Variants in DLGAP2 observed in about 807,000 individuals in gnomAD.
The protein encoded by DLGAP2 is disks large-associated protein 2.
A neutral mutation model predicts 100.3 loss-of-function variants in DLGAP2; 26 were observed. That is an observed-to-expected ratio of 0.26 (90% CI 0.19 to 0.36). The LOEUF is 0.36. DLGAP2 is among the 10% of genes least tolerant of loss of function. The pLI, the probability that DLGAP2 is intolerant of heterozygous loss-of-function variation, is 1.00. For missense variants in DLGAP2, 1,858 were observed against 1,453.2 expected (o/e 1.28, Z -4.53); for synonymous variants, 886 against 630.1 (o/e 1.41, Z -6.08).
intron 2 of DLGAP2, among the ~76,000 whole-genome samples, chr8:1,219,772 C>T (rs1279146119): frequency 6.6e-6 from 1 of 151,920 alleles, no homozygotes; most frequent in African/African-American, 2.4e-5. Context: ...TAGCTTATTA[C>T]AGAATCAATT....
chr8:1,121,675 C>T (rs1003970767), intron 2 of DLGAP2, among the ~76,000 whole-genome samples: 5 of 152,004 alleles, frequency 3.3e-5, no homozygotes, highest in African/African-American at 1.2e-4. Context: ...GAACCCCTGA[C>T]CACCCAACCT....
intron 2 of DLGAP2, among the ~76,000 whole-genome samples, chr8:1,251,954 T>G (rs1374014069): frequency 1.3e-5 from 2 of 152,274 alleles, no homozygotes; most frequent in Non-Finnish European, 2.9e-5. Context: ...TGGGTCATGG[T>G]GTCACAGTCA....
At chr8:1,515,744 G>C (rs558475371) in intron 4 of DLGAP2, among the ~76,000 whole-genome samples, 25 of 114,632 alleles carry the variant, frequency 2.2e-4, no homozygotes, top group African/African-American at 7.6e-4. Context: ...TCACACACTT[G>C]TATGCACACA....
chr8:1,237,522 A>G, intron 2 of DLGAP2, among the ~76,000 whole-genome samples: 1 of 136,678 alleles, frequency 7.3e-6, no homozygotes, highest in Non-Finnish European at 1.6e-5. Context: ...TGTTTCTCAC[A>G]CAGAGCATCG....
intron 1 of DLGAP2, among the ~76,000 whole-genome samples, chr8:874,769 G>C (rs570267401): frequency 6.6e-6 from 1 of 152,184 alleles, no homozygotes; most frequent in South Asian, 2.1e-4. Context: ...TTTCCTTGTT[G>C]ATCTTTTGTC....
chr8:1,125,318 G>A (rs778454220), intron 2 of DLGAP2, among the ~76,000 whole-genome samples: 7 of 152,260 alleles, frequency 4.6e-5, no homozygotes, highest in Middle Eastern at 3.4e-3. Flanking sequence ...CTTTGGAATC[G>A]AAATTCTACT....
intron 2 of DLGAP2, among the ~76,000 whole-genome samples, chr8:1,070,649 C>T (rs952390898): frequency 1.3e-5 from 2 of 152,164 alleles, no homozygotes; most frequent in African/African-American, 4.8e-5. Flanking sequence ...GTGAGTGTGT[C>T]TGTTCAGACA....
intron 2 of DLGAP2, among the ~76,000 whole-genome samples, chr8:1,119,729 C>T (rs975714927): frequency 3.3e-5 from 5 of 152,188 alleles, no homozygotes; most frequent in Admixed American, 2.6e-4. Flanking sequence ...CTTTTTATAT[C>T]CAATGGGGAA....
intron 2 of DLGAP2, among the ~76,000 whole-genome samples, chr8:1,184,139 A>C (rs1281166001): frequency 6.6e-6 from 1 of 152,242 alleles, no homozygotes. Flanking sequence ...TGATGTCTCC[A>C]AGTTGCACAG....
chr8:813,013 C>T (rs1251001743), intron 1 of DLGAP2, among the ~76,000 whole-genome samples: 3 of 152,148 alleles, frequency 2.0e-5, no homozygotes, highest in African/African-American at 7.2e-5. Flanking sequence ...AGTGACAAAA[C>T]GTGATAATAG....
At chr8:1,223,929 G>A (rs1798365690) in intron 2 of DLGAP2, among the ~76,000 whole-genome samples, 1 of 152,164 alleles carries the variant, frequency 6.6e-6, no homozygotes, top group Admixed American at 6.5e-5. Flanking sequence ...ACTCCTTGTT[G>A]TTAAAAACAA....
chr8:840,410 A>G (rs114567532), intron 1 of DLGAP2, among the ~76,000 whole-genome samples: 2,435 of 124,806 alleles, frequency 0.02, 144 homozygotes, highest in African/African-American at 0.041. Flanking sequence ...GCGCGTCCAC[A>G]TGGTGCACGC....
intron 2 of DLGAP2, among the ~76,000 whole-genome samples, chr8:1,023,497 G>C (rs1481641108): frequency 3.3e-5 from 5 of 152,164 alleles, no homozygotes; most frequent in Non-Finnish European, 7.4e-5. Flanking sequence ...CACCTGGCTG[G>C]AGTCCTGTTT....
intron 6 of DLGAP2, among the ~76,000 whole-genome samples, chr8:1,569,390 T>A (rs940400117): frequency 6.6e-6 from 1 of 152,200 alleles, no homozygotes; most frequent in Non-Finnish European, 1.5e-5. Context: ...AAAGCAGCCA[T>A]GTGATGGGTC....
intron 1 of DLGAP2, chr8:740,357 C>G (rs142481357): frequency 2.2e-3 from 330 of 152,238 alleles, no homozygotes; most frequent in African/African-American, 7.4e-3. Context: ...CAGAAATAAA[C>G]ATGTATTTAT....
chr8:1,678,054 C>T (rs6558507), intron 11 of DLGAP2, among the ~76,000 whole-genome samples, 160 bp from the exon 12 acceptor site: 150,815 of 152,372 alleles, frequency 0.99, 74,642 homozygotes, highest in East Asian at 1. Flanking sequence ...TGTTCTTCCA[C>T]AGACAAAACA....
At chr8:1,234,138 A>C (rs1372754557) in intron 2 of DLGAP2, among the ~76,000 whole-genome samples, 1 of 152,218 alleles carries the variant, frequency 6.6e-6, no homozygotes, top group Non-Finnish European at 1.5e-5. Context: ...TAAGTTTCAA[A>C]GGCTTCTCCT....
chr8:865,979 T>C (rs1797486836), intron 1 of DLGAP2, among the ~76,000 whole-genome samples: 1 of 152,206 alleles, frequency 6.6e-6, no homozygotes, highest in African/African-American at 2.4e-5. Context: ...GAGTGCTTAG[T>C]TGGGTATGGT....
chr8:1,261,481 G>C (rs1262375981), intron 3 of DLGAP2, among the ~76,000 whole-genome samples: 1 of 148,642 alleles, frequency 6.7e-6, no homozygotes, highest in Admixed American at 6.8e-5. Context: ...GAGACAGACT[G>C]TACTCCAAAT....
Sources: allele counts gnomAD v4.1 joint callset (sites outside exome capture counted in the v4.1 genomes callset), GRCh38; gene constraint gnomAD v4.1.1; transcripts MANE v1.5; gene names NCBI Gene and HGNC (gene_info 2026-07-23, HGNC 2026-07-21).